NDUFAF1: variants seen among roughly 807,000 people sequenced by gnomAD.
The protein encoded by NDUFAF1 is complex I intermediate-associated protein 30, mitochondrial.
In NDUFAF1, 18 loss-of-function variants were observed where a neutral mutation model predicts 28.7. The ratio of observed to expected loss-of-function variants is 0.63; its 90% CI spans 0.43 to 0.93. The LOEUF is 0.93. Ranked by LOEUF, NDUFAF1 falls within the 40% of genes least tolerant of loss-of-function variation. The pLI, the probability that NDUFAF1 is intolerant of heterozygous loss-of-function variation, is 0.00. For synonymous variants in NDUFAF1, 113 were observed against 139.7 expected, an observed-to-expected ratio of 0.81 and a Z score of 1.35; for missense variants, 404 against 398.3, an observed-to-expected ratio of 1.01 and a Z score of -0.12.
intron 1 of NDUFAF1, among the ~76,000 whole-genome samples, chr15:41,400,688 A>ATTTGTT (rs2050450284): frequency 1.0e-5 from 1 of 97,822 alleles, no homozygotes; most frequent in African/African-American, 4.3e-5. Context: ...ATGCCCAGCT[A>ATTTGTT]TTTTTTTTTT....
intron 1 of NDUFAF1, among the ~76,000 whole-genome samples, chr15:41,398,675 C>A (rs762185539): frequency 2.0e-5 from 3 of 152,022 alleles, no homozygotes; most frequent in Non-Finnish European, 4.4e-5. Flanking sequence ...AAAATGTTGG[C>A]CGGGTGCCGT....
Position 41,396,803 on chromosome 15 carries a change from A to C in NDUFAF1, c.257T>G (p.Ile86Ser). 6.2e-7 allele frequency: 1 copy of C among 1,614,104 alleles called. No individual in the cohort carries two copies. The highest frequency in any genetic ancestry group is 8.5e-7 in the Non-Finnish European group (1 of 1,180,030). ...AAAATGGTATATTGCTTCATCTCTA[A>C]TTGCTTTATCGAAACTAACATCAGG... ...EKPDVSFDKA[I>S]RDEAIYHFRL... The change falls in exon 2 of 5, where the codon ATT becomes AGT. Residue 86 changes from isoleucine to serine, a missense_variant. Ile to Ser is a moderately radical substitution (Grantham distance 142). Transcript: ENST00000260361.
intron 1 of NDUFAF1, among the ~76,000 whole-genome samples, chr15:41,400,348 A>T (rs2050445048): frequency 6.8e-6 from 1 of 147,760 alleles, no homozygotes; most frequent in African/African-American, 2.5e-5. Context: ...CAGCCTGGGC[A>T]ACAAGAGCAA....
intron 3 of NDUFAF1, among the ~76,000 whole-genome samples, chr15:41,391,222 G>A (rs962909703): frequency 6.6e-6 from 1 of 151,526 alleles, no homozygotes; most frequent in Non-Finnish European, 1.5e-5. Context: ...ACATATATAT[G>A]TATGTATTGA....
At chr15:41,387,841 C>T (rs988055828) in intron 4 of NDUFAF1, among the ~76,000 whole-genome samples, 1 of 152,132 alleles carries the variant, frequency 6.6e-6, no homozygotes, top group Non-Finnish European at 1.5e-5. Context: ...GACGGCCGGG[C>T]GTCGTGGCTC....
chr15:41,393,512 C>A (rs1308695066), intron 3 of NDUFAF1, among the ~76,000 whole-genome samples: 2 of 151,640 alleles, frequency 1.3e-5, no homozygotes. Flanking sequence ...TGGTCTCCAT[C>A]ATCTCCTGAC....
intron 1 of NDUFAF1, 128 bp from the exon 2 acceptor site, chr15:41,397,268 T>A: frequency 1.9e-6 from 1 of 538,560 alleles, no homozygotes; most frequent in Non-Finnish European, 3.3e-6. Flanking sequence ...TATTATTATT[T>A]GAGACAAGGT....
intron 3 of NDUFAF1, 53 bp from the exon 4 acceptor site, chr15:41,388,575 C>T (rs979512276): frequency 8.9e-7 from 1 of 1,128,524 alleles, no homozygotes; most frequent in Non-Finnish European, 1.4e-6. Flanking sequence ...ATTGAGGCAT[C>T]TGCATGTAAT....
chr15:41,393,589 C>CTTTTTTTTT (rs551792777), intron 3 of NDUFAF1, among the ~76,000 whole-genome samples: 1 of 135,502 alleles, frequency 7.4e-6, no homozygotes, highest in Non-Finnish European at 1.6e-5. Context: ...CGCGGCCGGC[C>CTTTTTTTTT]TTTTTTTTTT....
intron 1 of NDUFAF1, among the ~76,000 whole-genome samples, chr15:41,398,236 A>G (rs566334258): frequency 6.6e-6 from 1 of 151,072 alleles, no homozygotes; most frequent in East Asian, 1.9e-4. Flanking sequence ...TCACGCCTGT[A>G]ATCTCAACAC....
intron 3 of NDUFAF1, among the ~76,000 whole-genome samples, chr15:41,390,807 C>T (rs1166718473): frequency 2.6e-5 from 4 of 151,596 alleles, no homozygotes; most frequent in African/African-American, 9.7e-5. Context: ...CCGAGGTGGG[C>T]GGATCATGAG....
At chr15:41,392,643 C>T (rs780114700) in intron 3 of NDUFAF1, among the ~76,000 whole-genome samples, 1 of 152,134 alleles carries the variant, frequency 6.6e-6, no homozygotes, top group Non-Finnish European at 1.5e-5. Context: ...GATGTGTTTA[C>T]TTCCCCTTCT....
chr15:41,402,682 C>G (rs1375994391), upstream of NDUFAF1, among the ~76,000 whole-genome samples: 1 of 151,594 alleles, frequency 6.6e-6, no homozygotes, highest in African/African-American at 2.4e-5. Context: ...AAGTTTTTCG[C>G]CTCTCCTTCC....
chr15:41,395,682 T>C (rs2050377941), intron 2 of NDUFAF1, among the ~76,000 whole-genome samples: 1 of 147,100 alleles, frequency 6.8e-6, no homozygotes, highest in South Asian at 2.2e-4. Context: ...TTTTTTTTTT[T>C]TTTTTTTTTG....
At position 41,391,692 on chromosome 15, in the gene NDUFAF1, A is replaced by C. The variant is rs2050318745; in HGVS notation, c.759+3167T>G. Among the ~76,000 whole-genome samples, 4 of 152,254 alleles carry C rather than the reference A, an allele frequency of 2.6e-5. No homozygotes were observed. In the South Asian group the frequency reaches 8.3e-4, roughly 32 times the overall value. The stretch of plus-strand genomic sequence containing the variant: ...AATAAACAGATGAATGAATGAACAA[A>C]GTAATTTTAGTTAGTGATAAGTTCT... On this transcript the variant is annotated intron_variant, in intron 3 of 4. Coordinates refer to ENST00000260361, the MANE Select transcript of NDUFAF1 (RefSeq NM_016013.4).
chr15:41,392,842 T>G (rs1169692594), intron 3 of NDUFAF1, among the ~76,000 whole-genome samples: 1 of 152,164 alleles, frequency 6.6e-6, no homozygotes, highest in African/African-American at 2.4e-5. Context: ...TGATGTCATC[T>G]GAACTATGCT....
At chr15:41,392,549 A>G (rs2050328542) in intron 3 of NDUFAF1, among the ~76,000 whole-genome samples, 3 of 152,118 alleles carry the variant, frequency 2.0e-5, no homozygotes, top group Non-Finnish European at 4.4e-5. Flanking sequence ...AGTGACAGTG[A>G]GTTCTCACAA....
intron 2 of NDUFAF1, among the ~76,000 whole-genome samples, chr15:41,395,334 G>T (rs1023429847): frequency 3.3e-5 from 5 of 151,730 alleles, no homozygotes; most frequent in African/African-American, 1.2e-4. Context: ...TTACCTGGTC[G>T]TATGGAGCAA....
Position 41,394,951 on chromosome 15 carries a change from TATTCACCATCCAAGGCCGACC to T in NDUFAF1, c.646_666del (p.Gly216_Asn222del). On this transcript the variant is annotated inframe_deletion, in exon 3 of 5. Transcript: ENST00000260361. ...TGGAAGAAATCTGTGTCCTCCTTGATATTCACCATCCAAGGCCGACCATCCCCACGTACACGGAGATACAGA... is the reference window on the plus strand; with the variant it reads ...TGGAAGAAATCTGTGTCCTCCTTGATATCCCCACGTACACGGAGATACAGA... The T allele has an allele frequency of 6.2e-7, 1 of 1,614,158 alleles. No individual in the cohort carries two copies. The highest frequency in any genetic ancestry group is 8.5e-7 in the Non-Finnish European group (1 of 1,180,012).
Sources: allele counts gnomAD v4.1 joint callset (sites outside exome capture counted in the v4.1 genomes callset), GRCh38; gene constraint gnomAD v4.1.1; transcripts MANE v1.5; gene names NCBI Gene and HGNC (gene_info 2026-07-23, HGNC 2026-07-21).